MYH11: variants seen among roughly 807,000 people sequenced by gnomAD.
MYH11 encodes the protein myosin heavy chain 11.
Under a neutral mutation model 246.6 loss-of-function variants are expected in MYH11, and 80 were observed. The ratio of observed to expected loss-of-function variants is 0.32; its 90% CI spans 0.27 to 0.39. MYH11 has a LOEUF of 0.39. MYH11 is among the 10% of genes least tolerant of loss of function. MYH11 has a pLI of 1.00. For synonymous variants in MYH11, 1,071 were observed against 1,015.5 expected, an observed-to-expected ratio of 1.05 and a Z score of -1.04; for missense variants, 2,158 against 2,546.8, an observed-to-expected ratio of 0.85 and a Z score of 3.29.
intron 1 of MYH11, among the ~76,000 whole-genome samples, chr16:15,841,054 A>G (rs1443494412): frequency 5.9e-5 from 9 of 152,210 alleles, no homozygotes; most frequent in Non-Finnish European, 2.9e-5. Context: ...GAATATCAAT[A>G]AGAAAAATAA....
At chr16:15,799,287 G>A (rs1262201523) in intron 3 of MYH11, among the ~76,000 whole-genome samples, 1 of 152,170 alleles carries the variant, frequency 6.6e-6, no homozygotes, top group Non-Finnish European at 1.5e-5. Context: ...GTTCCAGGCT[G>A]CATTGGTCAG....
rs567509941 is a variant in MYH11, at chr16:15,843,678, C to T, written c.-17-5409G>A. On this transcript the variant is annotated intron_variant, in intron 1 of 40. Transcript: ENST00000300036. ...ATGCGCCGCTGCACTCCAGCCTGGACGACAGAGTGAGACTCCGTCTCAAAA... is the reference window on the plus strand; with the variant it reads ...ATGCGCCGCTGCACTCCAGCCTGGATGACAGAGTGAGACTCCGTCTCAAAA... 7.6e-5 allele frequency among the ~76,000 whole-genome samples: 11 copies of T among 144,184 alleles called. No homozygotes were observed. In the South Asian group the frequency reaches 8.7e-4, roughly 11 times the overall value. The allele number at this position is 144,184 out of a possible 152,430, so 94.6% of individuals were successfully genotyped here. A position where few individuals can be genotyped will look rare whatever the true frequency, so the allele number is the denominator to read the frequency against.
At chr16:15,757,558 G>A (rs2041760428) in intron 13 of MYH11, among the ~76,000 whole-genome samples, 1 of 139,850 alleles carries the variant, frequency 7.2e-6, no homozygotes. Flanking sequence ...GGAAAGGGAA[G>A]GGAAAGAGGG....
At chr16:15,817,501 ACT>A (rs1410125174) in intron 3 of MYH11, among the ~76,000 whole-genome samples, 1 of 151,264 alleles carries the variant, frequency 6.6e-6, no homozygotes, top group African/African-American at 2.5e-5. Flanking sequence ...GCAGGGCGAG[ACT>A]CTGCCTCAAA....
intron 40 of MYH11, chr16:15,708,985 C>T: frequency 1.1e-6 from 1 of 903,302 alleles, no homozygotes; most frequent in Non-Finnish European, 1.8e-6. Context: ...CTCTGTCACC[C>T]AGGCTGGAGT....
At chr16:15,787,481 CTTT>C (rs370002467) in intron 4 of MYH11, among the ~76,000 whole-genome samples, 4 of 116,022 alleles carry the variant, frequency 3.4e-5, no homozygotes, top group Admixed American at 1.9e-4. Flanking sequence ...GAATTATCTA[CTTT>C]TTTTTTTTTT....
At chr16:15,774,565 G>A (rs1367344146) in intron 8 of MYH11, among the ~76,000 whole-genome samples, 1 of 152,176 alleles carries the variant, frequency 6.6e-6, no homozygotes, top group African/African-American at 2.4e-5. Context: ...CATAGCCTAT[G>A]TTCCTGAAAG....
chr16:15,753,284 G>A lies in MYH11; in HGVS notation c.1864+110C>T. The A allele has an allele frequency of 7.6e-6, 7 of 916,540 alleles. No homozygotes were observed. In the South Asian group the frequency reaches 9.6e-5, roughly 13 times the overall value. 56.8% of individuals were successfully genotyped at this position (916,540 alleles called of 1,614,324 possible). ...CCATGCCAATGCTCTTCCTTCCCCT[G>A]CCCCCATGTAAAGGCCTCCCCTCCT... is the stretch of plus-strand genomic sequence containing the variant. On this transcript the variant is annotated intron_variant, in intron 15 of 40. Coordinates refer to ENST00000300036, the MANE Select transcript of MYH11 (RefSeq NM_002474.3).
intron 9 of MYH11, among the ~76,000 whole-genome samples, chr16:15,765,832 G>C (rs1157094520): frequency 5.3e-5 from 8 of 152,148 alleles, no homozygotes; most frequent in African/African-American, 1.7e-4. Flanking sequence ...TAACATCTAT[G>C]AAAGAGTCTT....
chr16:15,787,932 C>A (rs1305755530), intron 4 of MYH11, among the ~76,000 whole-genome samples: 1 of 152,006 alleles, frequency 6.6e-6, no homozygotes, highest in Non-Finnish European at 1.5e-5. Context: ...TATCAGGAAG[C>A]TGGCTGATGA....
At chr16:15,772,619 T>C (rs2042130678) in intron 8 of MYH11, among the ~76,000 whole-genome samples, 1 of 152,204 alleles carries the variant, frequency 6.6e-6, no homozygotes, top group Non-Finnish European at 1.5e-5. Context: ...TAGCCTATTA[T>C]AATGTATATA....
chr16:15,799,589 C>A (rs1200256472), intron 3 of MYH11, among the ~76,000 whole-genome samples: 1 of 152,250 alleles, frequency 6.6e-6, no homozygotes, highest in Non-Finnish European at 1.5e-5. Flanking sequence ...CATTATCCAT[C>A]ACCTTCTACT....
Position 15,727,257 on chromosome 16 carries a change from G to A in MYH11, c.3652-203C>T, listed in dbSNP as rs138053699. On this transcript the variant is annotated intron_variant, in intron 27 of 40. Coordinates refer to ENST00000300036, the MANE Select transcript of MYH11 (RefSeq NM_002474.3). ...ACTCTGTTACCCAGGCTGGAGTGCC[G>A]TGGCACAATCTTGGCTCACTGCAAC... 6.6e-3 allele frequency among the ~76,000 whole-genome samples: 1,002 copies of A among 151,808 alleles called. 5 individuals carry two copies. Among genetic ancestry groups the A allele is most frequent in the Non-Finnish European group, 0.011 (738 of 67,962 alleles).
intron 15 of MYH11, among the ~76,000 whole-genome samples, chr16:15,753,129 C>T (rs185140404): frequency 1.3e-5 from 2 of 152,282 alleles, no homozygotes; most frequent in Admixed American, 1.3e-4. Flanking sequence ...ACTCCCCGTG[C>T]CTGGCATGCT....
chr16:15,826,604 G>A (rs7205756), intron 2 of MYH11, among the ~76,000 whole-genome samples: 1 of 75,114 alleles, frequency 1.3e-5, no homozygotes, highest in South Asian at 3.3e-4. Context: ...GAAAAAGAAA[G>A]AAAAAGAGAG....
chr16:15,717,219 TGAC>T lies in MYH11; in HGVS notation c.5422_5424del (p.Val1808del). ...GCGATGGTGGACTTGAACTTGGACT[TGAC>T]GGCCCCCTCCATCTCGTGGAGCTTG... On this transcript the variant is annotated inframe_deletion, in exon 38 of 41. Coordinates refer to ENST00000300036, the MANE Select transcript of MYH11 (RefSeq NM_002474.3). 6.2e-7 allele frequency: 1 copy of T among 1,614,220 alleles called. No individual in the cohort carries two copies. The highest frequency in any genetic ancestry group is 8.5e-7 in the Non-Finnish European group (1 of 1,180,036).
intron 6 of MYH11, among the ~76,000 whole-genome samples, chr16:15,781,273 T>C (rs556119236): frequency 3.8e-4 from 58 of 152,228 alleles, no homozygotes; most frequent in Non-Finnish European, 7.2e-4. Context: ...TAGGGCATTA[T>C]GCTGATGTGT....
chr16:15,751,320 C>T (rs1166579232), intron 15 of MYH11, among the ~76,000 whole-genome samples: 1 of 151,802 alleles, frequency 6.6e-6, no homozygotes. Context: ...CCACCACGCC[C>T]GGCTCATTTT....
chr16:15,776,959 A>G (rs548525121), intron 7 of MYH11, among the ~76,000 whole-genome samples: 31 of 152,178 alleles, frequency 2.0e-4, no homozygotes, highest in African/African-American at 7.2e-4. Context: ...ATGGTGCGGG[A>G]TGATGGGGCT....
Sources: allele counts gnomAD v4.1 joint callset (sites outside exome capture counted in the v4.1 genomes callset), GRCh38; gene constraint gnomAD v4.1.1; transcripts MANE v1.5; gene names NCBI Gene and HGNC (gene_info 2026-07-23, HGNC 2026-07-21).